The following SLC26A5 variants were observed in gnomAD, a reference collection of about 807,000 sequenced individuals.
SLC26A5 encodes the protein solute carrier family 26 member 5, also known as prestin.
In SLC26A5, 51 loss-of-function variants were observed where a neutral mutation model predicts 81.0. That is an observed-to-expected ratio of 0.63 (90% CI 0.50 to 0.80). The LOEUF is 0.80. Among genes scored for constraint, SLC26A5 ranks in the 30% least tolerant of loss-of-function variants. The pLI is 0.00. For missense variants in SLC26A5, 771 were observed against 905.8 expected (o/e 0.85, Z 1.91); for synonymous variants, 325 against 332.8 (o/e 0.98, Z 0.25).
chr7:103,419,892 T>C (rs75158890), intron 4 of SLC26A5, among the ~76,000 whole-genome samples: 4,017 of 152,204 alleles, frequency 0.026, 125 homozygotes, highest in East Asian at 0.14. Flanking sequence ...ATTTTGCTTA[T>C]CATTATAATT....
rs960142808 is a variant in SLC26A5, at chr7:103,376,793, T to C, written c.2041+15A>G. On this transcript the variant is annotated intron_variant, in intron 19 of 19. Transcript: ENST00000306312. ...TAAAATATTAAGCTTCACCCCATCT[T>C]AGAGGTATACTCACCACTGCATCCT... The C allele has an allele frequency of 1.1e-5, 17 of 1,574,024 alleles. No individual in the cohort carries two copies. The highest frequency in any genetic ancestry group is 2.2e-5 in the South Asian group (2 of 89,188).
chr7:103,400,364 G>A (rs1823488569), intron 8 of SLC26A5, among the ~76,000 whole-genome samples: 1 of 152,178 alleles, frequency 6.6e-6, no homozygotes, highest in Non-Finnish European at 1.5e-5. Context: ...CTGCATAAAC[G>A]TCTTCTTTTG....
intron 2 of SLC26A5, among the ~76,000 whole-genome samples, chr7:103,427,582 A>C (rs1482162882): frequency 6.6e-6 from 1 of 152,224 alleles, no homozygotes; most frequent in Admixed American, 6.5e-5. Flanking sequence ...ATAAATAAAA[A>C]AATAACAAAA....
chr7:103,441,929 G>A (rs534677065), intron 2 of SLC26A5, among the ~76,000 whole-genome samples: 46 of 152,298 alleles, frequency 3.0e-4, no homozygotes, highest in African/African-American at 1.0e-3. Context: ...CAGAGGAGGC[G>A]CAATGCTGGG....
chr7:103,425,597 AT>A lies in SLC26A5; in HGVS notation c.-53-4031del, dbSNP rs972598962. On this transcript the variant is annotated intron_variant, in intron 2 of 19. Coordinates refer to ENST00000306312, the MANE Select transcript of SLC26A5 (RefSeq NM_198999.3). ...GACAAGATTAAAGCCTCATAAGATC[AT>A]TTTTTAAAGTAAACTTTATATTATA... 6.6e-5 allele frequency among the ~76,000 whole-genome samples: 10 copies of A among 152,334 alleles called. No homozygotes were observed. In the Middle Eastern group the frequency reaches 0.01, roughly 155 times the overall value.
At position 103,377,815 on chromosome 7, in the gene SLC26A5, A is replaced by T; in HGVS notation, c.1786-16T>A. On this transcript the variant is annotated splice_polypyrimidine_tract_variant and intron_variant, in intron 17 of 19. Transcript: ENST00000306312. The stretch of plus-strand genomic sequence containing the variant: ...CTTCTGCATCCTGTGTCAAAAATTA[A>T]ACCAAACCAGAATTTTATGAACAAC... The T allele has an allele frequency of 6.2e-7, 1 of 1,612,210 alleles. No individual in the cohort carries two copies. Among genetic ancestry groups the T allele is most frequent in the South Asian group, 1.1e-5 (1 of 91,034 alleles).
rs1563555061 is a variant in SLC26A5, at chr7:103,407,982, T to G, written c.757A>C (p.Asn253His). The G allele has an allele frequency of 8.1e-6, 13 of 1,614,018 alleles. No homozygotes were observed. The highest frequency in any genetic ancestry group is 3.3e-4 in the Middle Eastern group (2 of 6,084). ...GAACACACGTTGAGGTTTTTAACATTCTGCAACACAGCAACTGTACTCTGT... is the reference window on the plus strand; with the variant it reads ...GAACACACGTTGAGGTTTTTAACATGCTGCAACACAGCAACTGTACTCTGT... Reference protein sequence around the residue: ...VVYSTVAVLQNVKNLNVCSLG... With the variant: ...VVYSTVAVLQHVKNLNVCSLG... Residue 253 changes from asparagine to histidine, a missense_variant, in exon 8 of 20, where the codon AAT becomes CAT. Physicochemically the swap from Asn to His is moderately conservative, Grantham distance 68. Coordinates refer to ENST00000306312, the MANE Select transcript of SLC26A5 (RefSeq NM_198999.3).
At chr7:103,416,984 G>A (rs1225167805) in intron 4 of SLC26A5, among the ~76,000 whole-genome samples, 2 of 151,922 alleles carry the variant, frequency 1.3e-5, no homozygotes, top group African/African-American at 4.8e-5. Flanking sequence ...TTAATAATGA[G>A]CAGAAAAATA....
intron 1 of SLC26A5, chr7:103,445,347 A>G (rs949564516): frequency 6.6e-6 from 1 of 152,192 alleles, no homozygotes; most frequent in Non-Finnish European, 1.5e-5. Context: ...AACCAAGTCA[A>G]TTGGTTCCCG....
chr7:103,364,704 G>A (rs528497958), intron 19 of SLC26A5, among the ~76,000 whole-genome samples: 1 of 151,914 alleles, frequency 6.6e-6, no homozygotes, highest in Non-Finnish European at 1.5e-5. Context: ...CACCACGCCC[G>A]GCCTGAGACC....
downstream of SLC26A5, among the ~76,000 whole-genome samples, chr7:103,371,850 C>T (rs375636851): frequency 6.6e-5 from 10 of 151,978 alleles, no homozygotes; most frequent in East Asian, 1.2e-3. Flanking sequence ...TGCGCGCCAC[C>T]ATGCCCAGCT....
chr7:103,367,696 A>T lies in SLC26A5; in HGVS notation c.2041+9112T>A. On this transcript the variant is annotated intron_variant, in intron 19 of 19. Transcript: ENST00000339444. This position sits in a 1 kb window ranked among gnomAD's most constrained non-coding sequence, Gnocchi z 6.1. ...ATTTTTTTCCATTTTAATATTTGTC[A>T]ATTTTCTCATTTTTAGGGTCGGACC... 6.2e-7 allele frequency: 1 copy of T among 1,608,608 alleles called. No individual in the cohort carries two copies. The highest frequency in any genetic ancestry group is 8.5e-7 in the Non-Finnish European group (1 of 1,178,114).
intron 2 of SLC26A5, among the ~76,000 whole-genome samples, chr7:103,423,136 G>T (rs977069606): frequency 1.3e-5 from 2 of 151,392 alleles, no homozygotes; most frequent in Admixed American, 6.6e-5. Context: ...GCTGGGAGTG[G>T]TGATGCACAC....
chr7:103,391,842 ATT>A, intron 10 of SLC26A5, 107 bp from the exon 11 acceptor site: 1 of 857,442 alleles, frequency 1.2e-6, no homozygotes. Flanking sequence ...CTATCTCTTC[ATT>A]TTCCTTTCAG....
At chr7:103,411,620 G>T in intron 5 of SLC26A5, 34 bp from the exon 6 acceptor site, 1 of 1,612,874 alleles carries the variant, frequency 6.2e-7, no homozygotes, top group South Asian at 1.1e-5. Context: ...CCCTGTTCAG[G>T]GTTCAGAGTA....
At chr7:103,424,135 A>G (rs181136285) in intron 2 of SLC26A5, among the ~76,000 whole-genome samples, 61 of 152,192 alleles carry the variant, frequency 4.0e-4, no homozygotes, top group East Asian at 2.3e-3. Flanking sequence ...CAGAGTTTCA[A>G]TTCATTCTAA....
chr7:103,417,391 A>G (rs1214977156), intron 4 of SLC26A5, among the ~76,000 whole-genome samples: 1 of 151,782 alleles, frequency 6.6e-6, no homozygotes, highest in East Asian at 1.9e-4. Context: ...AAAAAGAAAA[A>G]AAAATAGAAA....
intron 8 of SLC26A5, among the ~76,000 whole-genome samples, chr7:103,398,775 C>G (rs1042084843): frequency 5.3e-5 from 8 of 152,138 alleles, no homozygotes; most frequent in Non-Finnish European, 1.0e-4. Context: ...AGGAAGCCAG[C>G]CCCTCCTGAG....
intron 2 of SLC26A5, among the ~76,000 whole-genome samples, chr7:103,426,518 C>A (rs967992793): frequency 6.6e-6 from 1 of 152,068 alleles, no homozygotes; most frequent in Non-Finnish European, 1.5e-5. Flanking sequence ...AATCTGGCAA[C>A]CTTAACTCTC....
Sources: allele counts gnomAD v4.1 joint callset (sites outside exome capture counted in the v4.1 genomes callset), GRCh38; gene constraint gnomAD v4.1.1; non-coding constraint Gnocchi (gnomAD v3.1); transcripts MANE v1.5; gene names NCBI Gene and HGNC (gene_info 2026-07-23, HGNC 2026-07-21).